ADCY9: variants seen among roughly 807,000 people sequenced by gnomAD.
ADCY9 encodes adenylate cyclase type 9.
In ADCY9, 50 loss-of-function variants were observed where a neutral mutation model predicts 101.5. The observed-to-expected ratio is 0.49, with a 90% CI of 0.39 to 0.62. The LOEUF (loss-of-function observed/expected upper bound fraction) is 0.62, where lower values mean the gene tolerates loss of function less well. Among genes scored for constraint, ADCY9 ranks in the 20% least tolerant of loss-of-function variants. The probability of loss-of-function intolerance (pLI) is 0.00; values close to 1 mark genes in which losing one functional copy is unlikely to be tolerated. For synonymous variants in ADCY9, 905 were observed against 769.3 expected, an observed-to-expected ratio of 1.18 and a Z score of -2.92; for missense variants, 1,662 against 1,800.4, an observed-to-expected ratio of 0.92 and a Z score of 1.39.
chr16:4,083,258 C>A (rs2056916954), intron 2 of ADCY9, among the ~76,000 whole-genome samples: 1 of 151,922 alleles, frequency 6.6e-6, no homozygotes, highest in Admixed American at 6.6e-5. Context: ...AACATAAAGT[C>A]TTTTTTTTAG....
At chr16:4,078,422 G>GT (rs2056881049) in intron 2 of ADCY9, among the ~76,000 whole-genome samples, 3 of 151,982 alleles carry the variant, frequency 2.0e-5, no homozygotes, top group African/African-American at 7.3e-5. Context: ...AATTAGCCAG[G>GT]TGTGGTGGTG....
At chr16:4,091,431 C>A (rs1048670067) in intron 2 of ADCY9, among the ~76,000 whole-genome samples, 1 of 152,192 alleles carries the variant, frequency 6.6e-6, no homozygotes, top group African/African-American at 2.4e-5. Flanking sequence ...AGAGTTACCG[C>A]GTGACCCAGC....
chr16:4,096,917 T>C (rs577875193), intron 2 of ADCY9, among the ~76,000 whole-genome samples: 1 of 152,208 alleles, frequency 6.6e-6, no homozygotes, highest in South Asian at 2.1e-4. Context: ...CAGATTTTAA[T>C]AGCATTACAT....
At chr16:4,080,948 T>C (rs1216226676) in intron 2 of ADCY9, among the ~76,000 whole-genome samples, 5 of 152,198 alleles carry the variant, frequency 3.3e-5, no homozygotes, top group African/African-American at 1.2e-4. Flanking sequence ...TGCTTTTTTC[T>C]GTTTTCTGGT....
intron 2 of ADCY9, among the ~76,000 whole-genome samples, chr16:4,008,118 G>C (rs1340711488): frequency 6.6e-6 from 1 of 151,730 alleles, no homozygotes; most frequent in African/African-American, 2.4e-5. Flanking sequence ...TTTCCTGTTG[G>C]ATTCAAACAC....
intron 2 of ADCY9, among the ~76,000 whole-genome samples, chr16:4,061,874 T>C (rs531426847): frequency 6.6e-6 from 1 of 152,332 alleles, no homozygotes; most frequent in African/African-American, 2.4e-5. Context: ...CAAGTACATA[T>C]AACAATAACT....
At chr16:4,065,164 G>A (rs751754499) in intron 2 of ADCY9, among the ~76,000 whole-genome samples, 2 of 152,162 alleles carry the variant, frequency 1.3e-5, no homozygotes, top group African/African-American at 4.8e-5. Context: ...TCGTCATGTC[G>A]TTTGCACAGT....
intron 5 of ADCY9, 125 bp from the exon 6 acceptor site, chr16:3,989,221 G>A (rs1403938809): frequency 5.8e-6 from 4 of 686,280 alleles, no homozygotes; most frequent in East Asian, 2.7e-5. Flanking sequence ...GTCTAAAAGC[G>A]CCTGTGGAAC....
At chr16:4,106,169 G>A (rs2057075689) in intron 2 of ADCY9, among the ~76,000 whole-genome samples, 1 of 152,232 alleles carries the variant, frequency 6.6e-6, no homozygotes, top group African/African-American at 2.4e-5. Flanking sequence ...CAAAAAACCT[G>A]ATTTCCAAGA....
At chr16:4,063,127 G>A (rs1227289977) in intron 2 of ADCY9, among the ~76,000 whole-genome samples, 2 of 152,166 alleles carry the variant, frequency 1.3e-5, no homozygotes, top group East Asian at 3.9e-4. Context: ...AAATTTAAAA[G>A]AATTAAAATC....
In ADCY9 at chr16:4,047,257, C is replaced by A. The variant is rs533149031; in HGVS notation, c.1694-39699G>T. Among the ~76,000 whole-genome samples the A allele has an allele frequency of 2.6e-5, 4 of 152,000 alleles. No homozygotes were observed. The East Asian group carries it at 7.7e-4, about 29-fold the overall frequency. ...CATTTTCATCCAGGATGTTTGGACACCCTTCTCCTTTTTTTGAGACTCCAT... is the reference window on the plus strand; with the variant it reads ...CATTTTCATCCAGGATGTTTGGACAACCTTCTCCTTTTTTTGAGACTCCAT... On this transcript the variant is annotated intron_variant, in intron 2 of 10. Coordinates refer to ENST00000294016, the MANE Select transcript of ADCY9 (RefSeq NM_001116.4).
At chr16:4,006,345 C>G (rs1235866505) in intron 3 of ADCY9, among the ~76,000 whole-genome samples, 3 of 152,200 alleles carry the variant, frequency 2.0e-5, no homozygotes, top group Non-Finnish European at 2.9e-5. Flanking sequence ...CACCCAACGA[C>G]CGCGATCCAC....
intron 3 of ADCY9, among the ~76,000 whole-genome samples, chr16:4,002,803 C>T (rs1194731487): frequency 6.6e-6 from 1 of 152,222 alleles, no homozygotes; most frequent in Non-Finnish European, 1.5e-5. Flanking sequence ...CAACCTTCAC[C>T]TACTAGGTTC....
chr16:4,002,675 T>A (rs1444526582), intron 3 of ADCY9, among the ~76,000 whole-genome samples: 2 of 152,198 alleles, frequency 1.3e-5, no homozygotes, highest in Non-Finnish European at 2.9e-5. Flanking sequence ...CTCAAATGGT[T>A]CCCTGATCAG....
At chr16:3,986,798 A>G (rs1222319581) in intron 6 of ADCY9, among the ~76,000 whole-genome samples, 1 of 152,012 alleles carries the variant, frequency 6.6e-6, no homozygotes, top group Non-Finnish European at 1.5e-5. Context: ...GGGTCTCACT[A>G]TGTTGCCCAG....
chr16:4,053,418 T>C (rs946528046), intron 2 of ADCY9, among the ~76,000 whole-genome samples: 4 of 152,218 alleles, frequency 2.6e-5, no homozygotes, highest in African/African-American at 9.6e-5. Context: ...TATTGATCTT[T>C]GAGAAGAGCT....
In ADCY9 at chr16:3,964,032, G is replaced by A. The variant is rs914390297; in HGVS notation, c.*1743C>T. 6.6e-6 allele frequency: 1 copy of A among 152,592 alleles called. No homozygotes were observed. The highest frequency in any genetic ancestry group is 2.1e-4 in the South Asian group (1 of 4,832). The allele number at this position is 152,592 out of a possible 1,614,324, so 9.5% of individuals were successfully genotyped here. ...GACCCTGGCTCTGGCTGTCCTGATG[G>A]GTGGCCATCCCAGGCACCGCCCCTG... On this transcript the variant is annotated 3_prime_UTR_variant, in exon 11 of 11. Transcript: ENST00000294016.
intron 2 of ADCY9, among the ~76,000 whole-genome samples, chr16:4,094,609 C>T (rs539019567): frequency 6.6e-6 from 1 of 151,316 alleles, no homozygotes; most frequent in East Asian, 2.0e-4. Flanking sequence ...CCCCGCAACA[C>T]AGCAAGACCC....
At chr16:3,957,973 G>C (rs1446983069), downstream of ADCY9, among the ~76,000 whole-genome samples, 1 of 152,134 alleles carries the variant, frequency 6.6e-6, no homozygotes, top group Non-Finnish European at 1.5e-5. Context: ...AATAAAGAAG[G>C]TCAGAGGGAG....
Sources: allele counts gnomAD v4.1 joint callset (sites outside exome capture counted in the v4.1 genomes callset), GRCh38; gene constraint gnomAD v4.1.1; transcripts MANE v1.5; gene names NCBI Gene and HGNC (gene_info 2026-07-23, HGNC 2026-07-21).